Variants in ARL6IP6 observed in about 807,000 individuals in gnomAD.
ARL6IP6 encodes the protein ARF like GTPase 6 interacting protein 6.
A neutral mutation model predicts 21.5 loss-of-function variants in ARL6IP6; 22 were observed. The observed-to-expected ratio is 1.02, with a 90% confidence interval of 0.73 to 1.46. ARL6IP6 has a LOEUF of 1.46. Among genes scored for constraint, ARL6IP6 ranks in the 40% most tolerant of loss-of-function variants. ARL6IP6 has a pLI of 0.00. For synonymous variants in ARL6IP6, 164 were observed against 125.3 expected (o/e 1.31, Z -2.06); for missense variants, 388 against 299.8 (o/e 1.29, Z -2.17).
chr2:152,744,897 G>A (rs1700976183), intron 3 of ARL6IP6, among the ~76,000 whole-genome samples: 1 of 152,104 alleles, frequency 6.6e-6, no homozygotes, highest in African/African-American at 2.4e-5. Context: ...GAAAGAAAAG[G>A]GAACAAGTTA....
At chr2:152,728,257 A>C (rs946201937) in intron 2 of ARL6IP6, among the ~76,000 whole-genome samples, 36 of 152,306 alleles carry the variant, frequency 2.4e-4, no homozygotes, top group African/African-American at 8.4e-4. Flanking sequence ...AGGACTTGGA[A>C]ATTACTAGTA....
chr2:152,749,341 G>A (rs1167607835), intron 3 of ARL6IP6, among the ~76,000 whole-genome samples: 3 of 132,740 alleles, frequency 2.3e-5, no homozygotes, highest in East Asian at 3.9e-4. Context: ...ACACACGCAC[G>A]CACGCGAGAG....
At chr2:152,719,792 ATG>A in intron 1 of ARL6IP6, 1 of 347,972 alleles carries the variant, frequency 2.9e-6, no homozygotes, top group East Asian at 9.8e-5. Flanking sequence ...ACTTTGTTGT[ATG>A]AAAAGCACCC....
chr2:152,734,972 T>C lies in ARL6IP6; in HGVS notation c.455-22T>C, dbSNP rs566203550. On this transcript the variant is annotated intron_variant, in intron 2 of 3. Transcript: ENST00000326446. ...GTTTTGGTGTTAATAATGTACTTTT[T>C]CCCCTCTCTTTTCCTGTTAAGGATT... is the stretch of plus-strand genomic sequence containing the variant. 8.7e-5 allele frequency: 140 copies of C among 1,605,072 alleles called. No individual in the cohort carries two copies. In the African/African-American group the frequency reaches 9.8e-4, roughly 11 times the overall value.
intron 2 of ARL6IP6, among the ~76,000 whole-genome samples, chr2:152,729,334 C>CTGTGTGTGTGTGTGTGTG (rs10604718): frequency 1.8e-4 from 27 of 150,950 alleles, no homozygotes; most frequent in African/African-American, 6.3e-4. Context: ...CAGACTTTGT[C>CTGTGTGTGTGTGTGTGTG]TGTGTGTGTG....
At chr2:152,756,136 C>G (rs1010178982) in intron 3 of ARL6IP6, among the ~76,000 whole-genome samples, 5 of 152,026 alleles carry the variant, frequency 3.3e-5, no homozygotes, top group Admixed American at 1.3e-4. Context: ...GTTGTCATAT[C>G]TAAGAATCTG....
At chr2:152,730,501 C>T (rs1189371155) in intron 2 of ARL6IP6, among the ~76,000 whole-genome samples, 1 of 152,134 alleles carries the variant, frequency 6.6e-6, no homozygotes, top group Non-Finnish European at 1.5e-5. Context: ...GGCAGTATAG[C>T]AACCCCTAAG....
chr2:152,755,192 T>C (rs1460126788), intron 3 of ARL6IP6, among the ~76,000 whole-genome samples: 2 of 152,234 alleles, frequency 1.3e-5, no homozygotes, highest in African/African-American at 4.8e-5. Context: ...CTCCTTGGTC[T>C]AGCGGTAACG....
Position 152,719,025 on chromosome 2 carries a change from G to C in ARL6IP6, c.400+1G>C, listed in dbSNP as rs1301114941. ...GCCATCGCCTACTTGATCGTTAAAG[G>C]TATTGAAGCCGACGCCTTGAAAGTC... On this transcript the variant is annotated splice_donor_variant, in intron 1 of 3. Transcript: ENST00000326446. LOFTEE classifies it high-confidence loss of function. 1.3e-6 allele frequency: 2 copies of C among 1,543,242 alleles called. No homozygotes were observed. The highest frequency in any genetic ancestry group is 1.4e-5 in the African/African-American group (1 of 72,480).
At chr2:152,721,764 A>T (rs950077002) in intron 2 of ARL6IP6, among the ~76,000 whole-genome samples, 1 of 152,234 alleles carries the variant, frequency 6.6e-6, no homozygotes, top group African/African-American at 2.4e-5. Flanking sequence ...TTATGGTGAC[A>T]CTAAGTATAG....
rs565372089 is a variant in ARL6IP6 at position 152,736,982 on chromosome 2, C to G, written c.587+1856C>G. ...TGGATACCAAGGTGCAACTGAACTG[C>G]TGTCTTTCCATTAACAAAAAGAGAT... On this transcript the variant is annotated intron_variant, in intron 3 of 3. Transcript: ENST00000326446. 3.3e-5 allele frequency among the ~76,000 whole-genome samples: 5 copies of G among 152,256 alleles called. No homozygotes were observed. The East Asian group carries it at 9.6e-4, about 29-fold the overall frequency.
At chr2:152,718,196 T>G (rs927901528), upstream of ARL6IP6, 19 of 523,174 alleles carry the variant, frequency 3.6e-5, no homozygotes, top group Non-Finnish European at 4.7e-5. Flanking sequence ...GACAAATAGG[T>G]TCGGGAATGT....
chr2:152,733,226 C>T (rs1700404498), intron 2 of ARL6IP6, among the ~76,000 whole-genome samples: 1 of 151,950 alleles, frequency 6.6e-6, no homozygotes. Context: ...TCTATTTGGG[C>T]CTTCTTCCGA....
upstream of ARL6IP6, chr2:152,718,211 C>A (rs1699299961): frequency 2.1e-6 from 1 of 468,590 alleles, no homozygotes; most frequent in Admixed American, 6.2e-5. Context: ...GAATGTGTCT[C>A]CGAGGGCGCG....
At chr2:152,718,485 C>G (rs553234157), upstream of ARL6IP6, 127 of 1,253,916 alleles carry the variant, frequency 1.0e-4, no homozygotes, top group African/African-American at 1.8e-3. Context: ...CAACCCGCCG[C>G]CCACCCTTGC....
chr2:152,731,564 A>G (rs1346402030), intron 2 of ARL6IP6, among the ~76,000 whole-genome samples: 1 of 152,188 alleles, frequency 6.6e-6, no homozygotes, highest in African/African-American at 2.4e-5. Flanking sequence ...AGATTCTGAT[A>G]CGACCTCCTT....
At chr2:152,741,751 A>G (rs1700819231) in intron 3 of ARL6IP6, among the ~76,000 whole-genome samples, 1 of 152,218 alleles carries the variant, frequency 6.6e-6, no homozygotes, top group Non-Finnish European at 1.5e-5. Context: ...CCAGATAGGT[A>G]CTTAATGGAC....
chr2:152,735,238 A>T, intron 3 of ARL6IP6, 112 bp downstream of exon 3: 1 of 1,169,120 alleles, frequency 8.6e-7, no homozygotes, highest in Non-Finnish European at 1.2e-6. Flanking sequence ...TTCAGTCTTT[A>T]TAAAGCACTA....
intron 3 of ARL6IP6, among the ~76,000 whole-genome samples, chr2:152,744,492 G>A (rs1238362415): frequency 6.6e-6 from 1 of 152,046 alleles, no homozygotes. Flanking sequence ...CAAAATGCAG[G>A]GAAACTTCAG....
Sources: allele counts gnomAD v4.1 joint callset (sites outside exome capture counted in the v4.1 genomes callset), GRCh38; gene constraint gnomAD v4.1.1; transcripts MANE v1.5; gene names NCBI Gene and HGNC (gene_info 2026-07-23, HGNC 2026-07-21).